XPNPEP1: variants seen among roughly 807,000 people sequenced by gnomAD.
XPNPEP1 encodes the protein xaa-Pro aminopeptidase 1.
XPNPEP1 carries 39 observed loss-of-function variants against 92.4 expected under a neutral mutation model. That is an observed-to-expected ratio of 0.42 (90% CI 0.33 to 0.55). The LOEUF (loss-of-function observed/expected upper bound fraction) is 0.55, where lower values mean the gene tolerates loss of function less well. Ranked by LOEUF, XPNPEP1 falls within the 20% of genes least tolerant of loss-of-function variation. XPNPEP1 has a pLI of 0.08. For missense variants in XPNPEP1, 654 were observed against 856.1 expected (o/e 0.76, Z 2.95); for synonymous variants, 307 against 299.4 (o/e 1.03, Z -0.26).
rs562776006 is a variant in XPNPEP1, at chr10:109,868,474, C to A, written c.1872+140G>T. ...GAAAACCTAGGGCTTTCAGACTCAACTGGCCTAGACCTCTAAATTTAAAAA... is the reference window on the plus strand; with the variant it reads ...GAAAACCTAGGGCTTTCAGACTCAAATGGCCTAGACCTCTAAATTTAAAAA... On this transcript the variant is annotated intron_variant, in intron 20 of 20. Transcript: ENST00000502935. The A allele has an allele frequency of 5.4e-5, 39 of 728,478 alleles. No homozygotes were observed. The African/African-American group carries it at 6.5e-4, about 12-fold the overall frequency. The allele number at this position is 728,478 out of a possible 1,614,324, so 45.1% of individuals were successfully genotyped here.
At chr10:109,888,017 G>A in intron 7 of XPNPEP1, 32 bp downstream of exon 7, 1 of 1,609,948 alleles carries the variant, frequency 6.2e-7, no homozygotes, top group Non-Finnish European at 8.5e-7. Context: ...ACAATGGCAG[G>A]GGCCCTGCTG....
At chr10:109,886,373 C>T in intron 7 of XPNPEP1, 32 bp from the exon 8 acceptor site, 1 of 1,605,640 alleles carries the variant, frequency 6.2e-7, no homozygotes, top group Admixed American at 1.7e-5. Flanking sequence ...TAACTCCAGC[C>T]CTGGTCCCAG....
intron 1 of XPNPEP1, among the ~76,000 whole-genome samples, chr10:109,917,053 G>C (rs1421802571): frequency 6.6e-6 from 1 of 151,880 alleles, no homozygotes; most frequent in Non-Finnish European, 1.5e-5. Context: ...TATAATCTAG[G>C]GAATGTCTAC....
At chr10:109,914,613 A>G (rs1223025240) in intron 2 of XPNPEP1, among the ~76,000 whole-genome samples, 1 of 152,136 alleles carries the variant, frequency 6.6e-6, no homozygotes, top group Non-Finnish European at 1.5e-5. Context: ...CCTGGCCAAC[A>G]TGGAGAAACC....
intron 4 of XPNPEP1, 134 bp from the exon 5 acceptor site, chr10:109,891,960 C>A: frequency 1.4e-6 from 1 of 721,058 alleles, no homozygotes; most frequent in Non-Finnish European, 2.3e-6. Flanking sequence ...TCCTTGACTC[C>A]AAAGAAACCT....
At chr10:109,874,546 C>T (rs1186132627) in intron 15 of XPNPEP1, among the ~76,000 whole-genome samples, 2 of 152,226 alleles carry the variant, frequency 1.3e-5, no homozygotes, top group African/African-American at 4.8e-5. Flanking sequence ...ATTAACACCC[C>T]TGTGTCCCAA....
intron 3 of XPNPEP1, among the ~76,000 whole-genome samples, chr10:109,901,952 T>C (rs1241885312): frequency 1.3e-5 from 2 of 152,240 alleles, no homozygotes; most frequent in African/African-American, 4.8e-5. Flanking sequence ...TAAAATAATA[T>C]TTTGGATATG....
intron 1 of XPNPEP1, chr10:109,923,087 C>T (rs1318193102): frequency 1.1e-6 from 1 of 911,284 alleles, no homozygotes; most frequent in Non-Finnish European, 1.3e-6. Flanking sequence ...CGGGGCCTTC[C>T]CGCGGGCCAG....
At chr10:109,877,071 A>G (rs1330672536) in intron 14 of XPNPEP1, 6 of 152,234 alleles carry the variant, frequency 3.9e-5, no homozygotes, top group African/African-American at 2.4e-5. Context: ...CTCACAACCT[A>G]CTACTAAGTT....
intron 3 of XPNPEP1, 49 bp downstream of exon 3, chr10:109,907,642 T>TG (rs756757659): frequency 1.2e-6 from 2 of 1,612,260 alleles, no homozygotes; most frequent in Non-Finnish European, 8.5e-7. Context: ...ACATTAGGGC[T>TG]GGGGAAAAAA....
In XPNPEP1 at chr10:109,870,722, G is replaced by T. The variant is rs987631427; in HGVS notation, c.1696+9C>A. On this transcript the variant is annotated intron_variant, in intron 18 of 20. Transcript: ENST00000502935. ...ATCCACGCATGCCCTCTATGTGAGG[G>T]ACACTTACCATCAGTGACAATCATG... 9.3e-6 allele frequency: 15 copies of T among 1,613,450 alleles called. No individual in the cohort carries two copies. Among genetic ancestry groups the T allele is most frequent in the Admixed American group, 5.0e-5 (3 of 59,968 alleles).
chr10:109,883,065 A>G (rs891916292), intron 9 of XPNPEP1, among the ~76,000 whole-genome samples: 1 of 152,206 alleles, frequency 6.6e-6, no homozygotes, highest in Non-Finnish European at 1.5e-5. Context: ...TACAACTTGT[A>G]CATCTAACAT....
At chr10:109,874,809 C>A (rs113933216) in intron 15 of XPNPEP1, among the ~76,000 whole-genome samples, 2 of 152,210 alleles carry the variant, frequency 1.3e-5, no homozygotes, top group Admixed American at 1.3e-4. Context: ...ATTAGCCGGG[C>A]GTGGTGGCGG....
At chr10:109,869,330 G>C (rs569722793) in intron 19 of XPNPEP1, among the ~76,000 whole-genome samples, 1 of 152,308 alleles carries the variant, frequency 6.6e-6, no homozygotes, top group South Asian at 2.1e-4. Context: ...TCCACCAATG[G>C]AGGAGGCACA....
chr10:109,893,928 C>T (rs552705650), intron 3 of XPNPEP1: 9 of 152,338 alleles, frequency 5.9e-5, no homozygotes, highest in African/African-American at 1.4e-4. Context: ...CTTTATCTCT[C>T]GCCCTCATCA....
intron 20 of XPNPEP1, among the ~76,000 whole-genome samples, chr10:109,866,737 C>T (rs1327394832): frequency 6.6e-6 from 1 of 152,210 alleles, no homozygotes; most frequent in East Asian, 1.9e-4. Context: ...AAAGTGACTC[C>T]AAAATAAAGG....
chr10:109,895,289 C>G (rs1368958842), intron 3 of XPNPEP1, among the ~76,000 whole-genome samples: 2 of 152,178 alleles, frequency 1.3e-5, no homozygotes, highest in African/African-American at 2.4e-5. Flanking sequence ...CAGGTCTGAG[C>G]CCGGCTGGAC....
rs1046418334 is a variant in XPNPEP1, at chr10:109,907,869, G to A, written c.122-54C>T. The A allele has an allele frequency of 1.2e-5, 19 of 1,605,312 alleles. No individual in the cohort carries two copies. The South Asian group carries it at 1.3e-4, about 11-fold the overall frequency. The stretch of plus-strand genomic sequence containing the variant: ...ACCAGCCTGCCCCCAGCAATTCAAC[G>A]TCCAGTTCGAAGTGGGCCACAGAGA... On this transcript the variant is annotated intron_variant, in intron 2 of 20. Coordinates refer to ENST00000502935, the MANE Select transcript of XPNPEP1 (RefSeq NM_020383.4).
intron 14 of XPNPEP1, 61 bp from the exon 15 acceptor site, chr10:109,875,660 G>C (rs1847744841): frequency 6.8e-7 from 1 of 1,469,184 alleles, no homozygotes; most frequent in Admixed American, 1.7e-5. Context: ...GAATCTGGGA[G>C]GAGGACACAC....
Sources: gnomAD v4.1 joint callset for allele counts (sites outside exome capture counted in the v4.1 genomes callset) on GRCh38, gnomAD v4.1.1 for gene constraint, MANE v1.5 for transcripts, NCBI Gene and HGNC (gene_info 2026-07-23, HGNC 2026-07-21) for gene names.